Variants in PCDH19 observed in about 807,000 individuals in gnomAD.
PCDH19 encodes the protein protocadherin-19.
A neutral mutation model predicts 46.2 loss-of-function variants in PCDH19; 6 were observed. That is an observed-to-expected ratio of 0.13 (90% confidence interval 0.07 to 0.26). PCDH19 has a LOEUF of 0.26. Among genes scored for constraint, PCDH19 ranks in the 10% least tolerant of loss-of-function variants. The probability of loss-of-function intolerance (pLI) is 1.00; values close to 1 mark genes in which losing one functional copy is unlikely to be tolerated. For synonymous variants in PCDH19, 481 were observed against 415.7 expected, an observed-to-expected ratio of 1.16 and a Z score of -1.91; for missense variants, 740 against 972.3, an observed-to-expected ratio of 0.76 and a Z score of 3.18.
rs780242225 is a variant in PCDH19 at position 100,406,887 on chromosome X, C to G, written c.1711G>C (p.Gly571Arg). 3 of 1,209,976 alleles carry G rather than the reference C, an allele frequency of 2.5e-6. No homozygotes were observed. The highest frequency in any genetic ancestry group is 1.8e-5 in the African/African-American group (1 of 57,125). Reference protein sequence around the residue: ...PVITAPPLINGTAEVYIPRNS... With the variant: ...PVITAPPLINRTAEVYIPRNS... ...CGGGGTATGTAGACCTCGGCAGTGC[C>G]GTTAATCAGAGGTGGGGCTGTGATG... The change falls in exon 1 of 6, where the codon GGC becomes CGC. Residue 571 changes from glycine (G) to arginine (R), a missense_variant. Gly to Arg is a moderately radical substitution (Grantham distance 125). This residue lies in a region of PCDH19 where 186 missense variants were observed against 319.9 expected (regional missense o/e 0.58). Coordinates refer to ENST00000373034, the MANE Select transcript of PCDH19 (RefSeq NM_001184880.2).
rs1359639596 is a variant in PCDH19 at position 100,294,584 on chromosome X, G to T, written c.*1693C>A. The T allele has an allele frequency of 9.0e-6, 1 of 111,205 alleles. No homozygotes were observed. Among genetic ancestry groups the T allele is most frequent in the African/African-American group, 3.3e-5 (1 of 30,549 alleles). The allele number at this position is 111,205 out of a possible 1,213,427, so 9.2% of individuals were successfully genotyped here. On this transcript the variant is annotated 3_prime_UTR_variant, in exon 6 of 6. Transcript: ENST00000373034. Reference sequence around the variant, plus strand: ...AACTTAAGAAAATAAATCCTCTTTTGCATTCTAGTGCTCTAACCTCTAGGC... The same window carrying T: ...AACTTAAGAAAATAAATCCTCTTTTTCATTCTAGTGCTCTAACCTCTAGGC...
intron 3 of PCDH19, among the ~76,000 whole-genome samples, chrX:100,379,470 G>A (rs765886926): frequency 8.9e-5 from 10 of 111,909 alleles, no homozygotes; most frequent in Admixed American, 1.9e-4. Context: ...AAGAGAAAAC[G>A]CCAGGATGTA....
intron 3 of PCDH19, among the ~76,000 whole-genome samples, chrX:100,370,131 G>C (rs184868440): frequency 1.3e-3 from 148 of 111,787 alleles, no homozygotes; most frequent in Non-Finnish European, 2.2e-3. Flanking sequence ...AATTCTACTG[G>C]AAAAGAAAGG....
intron 5 of PCDH19, among the ~76,000 whole-genome samples, chrX:100,307,762 C>A (rs1924993948): frequency 9.0e-6 from 1 of 111,187 alleles, no homozygotes; most frequent in Non-Finnish European, 1.9e-5. Flanking sequence ...AGCAACCACA[C>A]TGAGAATCAA....
At chrX:100,313,933 A>T (rs2147460906) in intron 5 of PCDH19, among the ~76,000 whole-genome samples, 1 of 110,648 alleles carries the variant, frequency 9.0e-6, no homozygotes, top group Non-Finnish European at 1.9e-5. Context: ...TGTAATGCTG[A>T]CATAGCTTCC....
intron 3 of PCDH19, among the ~76,000 whole-genome samples, chrX:100,393,081 T>C (rs1189484671): frequency 9.0e-6 from 1 of 111,374 alleles, no homozygotes; most frequent in East Asian, 2.8e-4. Flanking sequence ...TTCTAATAAA[T>C]TGAAAATATG....
At chrX:100,345,851 T>C (rs185513696) in intron 4 of PCDH19, among the ~76,000 whole-genome samples, 1 of 111,793 alleles carries the variant, frequency 8.9e-6, no homozygotes, top group Admixed American at 9.5e-5. Context: ...TAAGAGCATT[T>C]AGTGGTTTAA....
In PCDH19 at chrX:100,407,876, G is replaced by T. The variant is rs1004810913; in HGVS notation, c.722C>A (p.Ser241Tyr). The T allele has an allele frequency of 1.2e-5, 15 of 1,210,991 alleles. No individual in the cohort carries two copies. Among genetic ancestry groups the T allele is most frequent in the Non-Finnish European group, 1.6e-5 (14 of 895,304 alleles). ...TTCTGGCACGCTCACCGCGTAGGTGGACTCGCTAAACACCGGGTTGTTGTC... is the reference window on the plus strand; with the variant it reads ...TTCTGGCACGCTCACCGCGTAGGTGTACTCGCTAAACACCGGGTTGTTGTC... ...SNDNNPVFSESTYAVSVPENS... is the reference protein window; with the variant it reads ...SNDNNPVFSEYTYAVSVPENS... The change falls in exon 1 of 6, where the codon TCC becomes TAC. Residue 241 changes from serine to tyrosine, a missense_variant. Transcript: ENST00000373034.
At chrX:100,361,108 T>C (rs138748713) in intron 3 of PCDH19, among the ~76,000 whole-genome samples, 90 of 112,061 alleles carry the variant, frequency 8.0e-4, no homozygotes, top group Middle Eastern at 4.6e-3. Flanking sequence ...AAGTGGCTAA[T>C]ATCATCAGCA....
chrX:100,390,082 T>C (rs1338191861), intron 3 of PCDH19, among the ~76,000 whole-genome samples: 2 of 111,791 alleles, frequency 1.8e-5, no homozygotes, highest in Non-Finnish European at 3.8e-5. Flanking sequence ...CTCATTGACT[T>C]AAAGAAAATG....
chrX:100,408,217 G>A lies in PCDH19; in HGVS notation c.381C>T (p.Pro127=). The change falls in exon 1 of 6, where the codon CCC becomes CCT. Residue 127 remains proline (P), a synonymous_variant. Coordinates refer to ENST00000373034, the MANE Select transcript of PCDH19 (RefSeq NM_001184880.2). ...GCTCGATCTGTGCTGCCGGGAAACT[G>A]GGCGCATTGTCGTTCAGGTCCTTGA... ...VEIKDLNDNA[P]SFPAAQIELE... The A allele has an allele frequency of 3.3e-6, 4 of 1,211,982 alleles. No individual in the cohort carries two copies. The highest frequency in any genetic ancestry group is 4.5e-6 in the Non-Finnish European group (4 of 895,514).
intron 5 of PCDH19, among the ~76,000 whole-genome samples, chrX:100,337,140 G>A: frequency 9.0e-6 from 1 of 111,209 alleles, no homozygotes. Flanking sequence ...AGTCTCTGCA[G>A]GAACCGCATA....
At chrX:100,369,887 T>C (rs1247342779) in intron 3 of PCDH19, among the ~76,000 whole-genome samples, 1 of 111,935 alleles carries the variant, frequency 8.9e-6, no homozygotes, top group Non-Finnish European at 1.9e-5. Context: ...CAGAAAACTA[T>C]ACCTCCTTAA....
chrX:100,358,443 T>C (rs774063155), intron 3 of PCDH19, among the ~76,000 whole-genome samples: 3 of 112,371 alleles, frequency 2.7e-5, no homozygotes, highest in Admixed American at 9.4e-5. Context: ...ACTGGCACCA[T>C]TGATGTGGTC....
intron 3 of PCDH19, among the ~76,000 whole-genome samples, chrX:100,391,160 C>T (rs1602625593): frequency 1.8e-5 from 2 of 110,160 alleles, no homozygotes; most frequent in South Asian, 8.1e-4. Flanking sequence ...TCAAGAATAC[C>T]CAACTTAAAA....
At chrX:100,379,176 G>A (rs947176212) in intron 3 of PCDH19, among the ~76,000 whole-genome samples, 2 of 111,144 alleles carry the variant, frequency 1.8e-5, no homozygotes, top group African/African-American at 6.6e-5. Context: ...CAGGGCAGCT[G>A]CTATCAGGAC....
chrX:100,407,584 G>A lies in PCDH19; in HGVS notation c.1014C>T (p.Asp338=). The part of the protein sequence containing the change: ...AHCKVTVSVL[D]TNDNPPVINL... ...TGATGACCGGCGGATTGTCATTGGT[G>A]TCCAGCACGCTGACGGTGACCTTGC... The change falls in exon 1 of 6, where the codon GAC becomes GAT. Residue 338 remains aspartate, a synonymous_variant. Transcript: ENST00000373034. The A allele has an allele frequency of 2.5e-6, 3 of 1,211,515 alleles. No individual in the cohort carries two copies. The highest frequency in any genetic ancestry group is 3.4e-6 in the Non-Finnish European group (3 of 895,394).
intron 3 of PCDH19, among the ~76,000 whole-genome samples, chrX:100,395,267 A>G (rs1303940456): frequency 3.6e-5 from 4 of 112,514 alleles, no homozygotes; most frequent in African/African-American, 9.7e-5. Flanking sequence ...GATTATTCAC[A>G]TTATATAAGG....
At chrX:100,371,940 A>T (rs1236226790) in intron 3 of PCDH19, among the ~76,000 whole-genome samples, 1 of 111,518 alleles carries the variant, frequency 9.0e-6, no homozygotes, top group Non-Finnish European at 1.9e-5. Flanking sequence ...TAATAATAAC[A>T]TATCAAGAAA....
Sources: allele counts gnomAD v4.1 joint callset (sites outside exome capture counted in the v4.1 genomes callset), GRCh38; gene constraint gnomAD v4.1.1; regional missense constraint gnomAD v4.1.1; transcripts MANE v1.5; gene names NCBI Gene and HGNC (gene_info 2026-07-23, HGNC 2026-07-21).